POLR3E: variants seen among roughly 807,000 people sequenced by gnomAD.
The protein encoded by POLR3E is RNA polymerase III subunit E.
POLR3E carries 41 observed loss-of-function variants against 96.6 expected under a neutral mutation model. The ratio of observed to expected loss-of-function variants is 0.42; its 90% CI spans 0.33 to 0.55. The LOEUF (loss-of-function observed/expected upper bound fraction) is 0.55, where lower values mean the gene tolerates loss of function less well. POLR3E is among the 20% of genes least tolerant of loss of function. POLR3E has a pLI of 0.06. For missense variants in POLR3E, 849 were observed against 952.1 expected, an observed-to-expected ratio of 0.89 and a Z score of 1.43; for synonymous variants, 396 against 383.6, an observed-to-expected ratio of 1.03 and a Z score of -0.38.
rs369957483 is a variant in POLR3E at position 22,309,550 on chromosome 16, T to TG, written c.364+48dup. ...GTGTCCCGCGGTGGGGACATGGCAT[T>TG]GGGGGGGGCTGGGCAGGGAGAGTAC... On this transcript the variant is annotated intron_variant, in intron 6 of 20. Coordinates refer to ENST00000299853, the MANE Select transcript of POLR3E (RefSeq NM_018119.4). The TG allele has an allele frequency of 3.3e-3, 3,304 of 1,003,050 alleles. 1 individual carries two copies. Among genetic ancestry groups the TG allele is most frequent in the Non-Finnish European group, 4.1e-3 (2,705 of 652,072 alleles). 62.1% of individuals were successfully genotyped at this position (1,003,050 alleles called of 1,614,324 possible).
chr16:22,330,816 A>C (rs970356849), intron 19 of POLR3E, among the ~76,000 whole-genome samples: 1 of 149,732 alleles, frequency 6.7e-6, no homozygotes, highest in Non-Finnish European at 1.5e-5. Flanking sequence ...GAACCATAGC[A>C]AAAAAAAAGG....
At chr16:22,328,169 ACAGTT>A (rs2048647107) in intron 18 of POLR3E, 1 of 233,418 alleles carries the variant, frequency 4.3e-6, no homozygotes, top group Non-Finnish European at 8.4e-6. Flanking sequence ...GTGTTAAAGC[ACAGTT>A]GAGTTGGTGC....
chr16:22,325,277 G>A lies in POLR3E; in HGVS notation c.1348+11G>A. On this transcript the variant is annotated intron_variant, in intron 17 of 20. Transcript: ENST00000299853. ...CGGATGCACAATCAGGTGTGTGAGG[G>A]GCTTTGGGCTGGGAGGCCCCGGCTC... 1 of 1,610,858 alleles carries A rather than the reference G, an allele frequency of 6.2e-7. No homozygotes were observed. Among genetic ancestry groups the A allele is most frequent in the Non-Finnish European group, 8.5e-7 (1 of 1,177,056 alleles).
At chr16:22,329,466 C>T (rs932547089) in intron 19 of POLR3E, among the ~76,000 whole-genome samples, 8 of 152,036 alleles carry the variant, frequency 5.3e-5, no homozygotes, top group Admixed American at 3.3e-4. Context: ...ATGGTCGAAA[C>T]GCCAGTCGGT....
intron 13 of POLR3E, 85 bp downstream of exon 13, chr16:22,319,031 G>A: frequency 9.7e-7 from 1 of 1,031,114 alleles, no homozygotes; most frequent in Admixed American, 2.4e-5. Context: ...CTGGTGTGTA[G>A]TGGCGCAATC....
intron 17 of POLR3E, 61 bp from the exon 18 acceptor site, chr16:22,325,700 G>C (rs2048566936): frequency 1.3e-6 from 2 of 1,496,158 alleles, no homozygotes; most frequent in East Asian, 4.6e-5. Flanking sequence ...GCGGTCCCCT[G>C]CTGGGCTTTT....
intron 10 of POLR3E, 101 bp downstream of exon 10, chr16:22,316,787 A>C (rs766252990): frequency 6.4e-5 from 66 of 1,038,932 alleles, no homozygotes; most frequent in Non-Finnish European, 9.4e-5. Context: ...CTCCTGTAGC[A>C]TGAGGGTGGA....
At chr16:22,299,648 A>G (rs1389317485) in intron 1 of POLR3E, among the ~76,000 whole-genome samples, 2 of 151,970 alleles carry the variant, frequency 1.3e-5, no homozygotes, top group African/African-American at 4.8e-5. Context: ...TCCTGACCTC[A>G]GGTGATCCGC....
At chr16:22,325,317 C>G in intron 17 of POLR3E, 51 bp downstream of exon 17, 1 of 1,431,254 alleles carries the variant, frequency 7.0e-7, no homozygotes. Context: ...ACTGTGGCTC[C>G]GGAAGGGCTG....
Position 22,300,079 on chromosome 16 carries a change from G to A in POLR3E, c.-39+2542G>A, listed in dbSNP as rs189606222. On this transcript the variant is annotated intron_variant, in intron 1 of 20. Transcript: ENST00000299853. ...TTGGAGGTAGGTATAAGGAGCCGTA[G>A]GGAGACTTGGATGAGTGCTTTTCAC... is the stretch of plus-strand genomic sequence containing the variant. Among the ~76,000 whole-genome samples the A allele has an allele frequency of 9.9e-5, 15 of 152,284 alleles. No individual in the cohort carries two copies. In the East Asian group the frequency reaches 2.7e-3, roughly 27 times the overall value.
At position 22,302,951 on chromosome 16, in the gene POLR3E, G is replaced by T; in HGVS notation, c.-18G>T. The T allele has an allele frequency of 6.2e-7, 1 of 1,613,362 alleles. No individual in the cohort carries two copies. Among genetic ancestry groups the T allele is most frequent in the Non-Finnish European group, 8.5e-7 (1 of 1,179,318 alleles). On this transcript the variant is annotated 5_prime_UTR_variant, in exon 2 of 21. Transcript: ENST00000299853. ...TGCAGATCGAGCTGAAGGACTGCGC[G>T]GCTGGCTCTCCTCTAGTATGGCCAA... is the stretch of plus-strand genomic sequence containing the variant.
Position 22,326,392 on chromosome 16 carries a change from G to GTGGGCCTAGGTGTGACA in POLR3E, c.1866+120_1866+136dup, listed in dbSNP as rs1567330164. 3.4e-6 allele frequency: 3 copies of GTGGGCCTAGGTGTGACA among 875,242 alleles called. No homozygotes were observed. The African/African-American group carries it at 5.0e-5, about 14-fold the overall frequency. 54.2% of individuals were successfully genotyped at this position (875,242 alleles called of 1,614,324 possible). A position where few individuals can be genotyped will look rare whatever the true frequency, so the allele number is the denominator to read the frequency against. On this transcript the variant is annotated intron_variant, in intron 18 of 20. Coordinates refer to ENST00000299853, the MANE Select transcript of POLR3E (RefSeq NM_018119.4). The stretch of plus-strand genomic sequence containing the variant: ...ATGCTTGGTGAGCATCTGCTCTCAC[G>GTGGGCCTAGGTGTGACA]TGGGCCTAGGTGTGACATGGGCAAG...
chr16:22,311,334 A>G (rs1290738344), intron 6 of POLR3E, among the ~76,000 whole-genome samples: 1 of 142,432 alleles, frequency 7.0e-6, no homozygotes, highest in Admixed American at 7.6e-5. Context: ...TATGAAGTCT[A>G]CAGTAGCGTG....
At chr16:22,305,271 A>G in intron 3 of POLR3E, 65 bp downstream of exon 3, 1 of 1,177,052 alleles carries the variant, frequency 8.5e-7, no homozygotes, top group South Asian at 1.2e-5. Flanking sequence ...TGGACTCAGG[A>G]ACACGGGCAG....
rs993239595 is a variant in POLR3E, at chr16:22,309,715, G to A, written c.364+205G>A. On this transcript the variant is annotated intron_variant, in intron 6 of 20. Transcript: ENST00000299853. ...CTTTGTGGACTGCTGGCTGGACACT[G>A]CCTGACCAGATGGGGTGGGGCTCCA... is the stretch of plus-strand genomic sequence containing the variant. 6.7e-6 allele frequency: 4 copies of A among 598,318 alleles called. No individual in the cohort carries two copies. The African/African-American group carries it at 7.4e-5, about 11-fold the overall frequency. The allele number at this position is 598,318 out of a possible 1,614,324, so 37.1% of individuals were successfully genotyped here.
chr16:22,301,219 CT>C (rs2048013559), intron 1 of POLR3E, among the ~76,000 whole-genome samples: 1 of 151,986 alleles, frequency 6.6e-6, no homozygotes. Flanking sequence ...GGGTAGGAGG[CT>C]TGTGGGAGAT....
At chr16:22,306,152 C>T (rs925908037) in intron 3 of POLR3E, among the ~76,000 whole-genome samples, 22 of 152,224 alleles carry the variant, frequency 1.4e-4, no homozygotes, top group African/African-American at 5.3e-4. Flanking sequence ...TAGCTGGAAT[C>T]ATGCAGTATG....
In POLR3E at chr16:22,313,960, G is replaced by A. The variant is rs973049404; in HGVS notation, c.473-119G>A. ...CGATTGAGAACCACTGGCTTAGGCA[G>A]CTCCCTCTGCGAGGAGAACTCCCAG... is the stretch of plus-strand genomic sequence containing the variant. On this transcript the variant is annotated intron_variant, in intron 7 of 20. Coordinates refer to ENST00000299853, the MANE Select transcript of POLR3E (RefSeq NM_018119.4). This position sits in a 1 kb window ranked among gnomAD's most constrained non-coding sequence, Gnocchi z 4.1. 5 of 885,900 alleles carry A rather than the reference G, an allele frequency of 5.6e-6. No individual in the cohort carries two copies. The highest frequency in any genetic ancestry group is 5.0e-5 in the East Asian group (2 of 39,822). 54.9% of individuals were successfully genotyped at this position (885,900 alleles called of 1,614,324 possible).
At chr16:22,321,673 T>C (rs2048474086) in intron 13 of POLR3E, among the ~76,000 whole-genome samples, 7 of 152,240 alleles carry the variant, frequency 4.6e-5, no homozygotes, top group Admixed American at 4.6e-4. Flanking sequence ...TGTTAAAACC[T>C]AAGCCTCATG....
Sources: gnomAD v4.1 joint callset for allele counts (sites outside exome capture counted in the v4.1 genomes callset) on GRCh38, gnomAD v4.1.1 for gene constraint, Gnocchi (gnomAD v3.1) non-coding constraint, MANE v1.5 for transcripts, NCBI Gene and HGNC (gene_info 2026-07-23, HGNC 2026-07-21) for gene names.